The following IL4R variants were observed in gnomAD, a reference collection of about 807,000 sequenced individuals.
The protein encoded by IL4R is interleukin 4 receptor, also known as interleukin-4 receptor subunit alpha.
In IL4R, 17 loss-of-function variants were observed where a neutral mutation model predicts 41.5. The ratio of observed to expected loss-of-function variants is 0.41; its 90% CI spans 0.28 to 0.61. The LOEUF is 0.61. Ranked by LOEUF, IL4R falls within the 20% of genes least tolerant of loss-of-function variation. The pLI, the probability that IL4R is intolerant of heterozygous loss-of-function variation, is 0.31. For missense variants in IL4R, 974 were observed against 1,043.1 expected (o/e 0.93, Z 0.91); for synonymous variants, 402 against 422.9 (o/e 0.95, Z 0.61).
intron 1 of IL4R, among the ~76,000 whole-genome samples, chr16:27,322,600 C>T (rs2084845951): frequency 6.6e-6 from 1 of 152,132 alleles, no homozygotes; most frequent in Non-Finnish European, 1.5e-5. Context: ...GTTCCAGCTA[C>T]TTGGGAGGGC....
intron 1 of IL4R, among the ~76,000 whole-genome samples, chr16:27,320,900 C>T (rs1268875722): frequency 1.3e-5 from 2 of 152,034 alleles, no homozygotes; most frequent in Admixed American, 1.3e-4. Flanking sequence ...GCAGCTCTAA[C>T]TGGGAGAAAA....
intron 1 of IL4R, chr16:27,315,446 AC>A (rs1451113268): frequency 6.6e-6 from 1 of 152,474 alleles, no homozygotes; most frequent in Non-Finnish European, 1.5e-5. Context: ...AGGAAGACAG[AC>A]GTGAGGGCTG....
At chr16:27,337,132 A>C (rs1182934927) in intron 2 of IL4R, among the ~76,000 whole-genome samples, 2 of 151,896 alleles carry the variant, frequency 1.3e-5, no homozygotes, top group East Asian at 1.9e-4. Context: ...AAAAAGAAGA[A>C]GTGTAGGTGG....
chr16:27,317,194 G>A (rs1432853751), intron 1 of IL4R, among the ~76,000 whole-genome samples: 1 of 152,198 alleles, frequency 6.6e-6, no homozygotes, highest in East Asian at 1.9e-4. Context: ...GCGAGCAAAC[G>A]TGCCTGGCCT....
At chr16:27,352,735 C>G in intron 7 of IL4R, 39 bp downstream of exon 7, 1 of 1,594,482 alleles carries the variant, frequency 6.3e-7, no homozygotes, top group East Asian at 2.2e-5. Flanking sequence ...AATCTCCACT[C>G]TCCATTCTTC....
At chr16:27,330,788 A>G (rs1047309483) in intron 2 of IL4R, among the ~76,000 whole-genome samples, 2 of 152,094 alleles carry the variant, frequency 1.3e-5, no homozygotes. Flanking sequence ...TGTTACATAA[A>G]TGGAGTCACG....
Position 27,362,876 on chromosome 16 carries a change from G to A in IL4R, c.1524G>A (p.Pro508=), listed in dbSNP as rs752797123. The A allele has an allele frequency of 3.1e-5, 50 of 1,614,014 alleles. No homozygotes were observed. The highest frequency in any genetic ancestry group is 3.3e-5 in the South Asian group (3 of 91,084). The part of the protein sequence containing the change: ...RSFSNSLSQS[P]CPRELGPDPL... Reference sequence around the variant, plus strand: ...TCAGCAACTCCCTGAGCCAGTCACCGTGTCCCAGAGAGCTGGGTCCAGACC... The same window carrying A: ...TCAGCAACTCCCTGAGCCAGTCACCATGTCCCAGAGAGCTGGGTCCAGACC... The change falls in exon 11 of 11, where the codon CCG becomes CCA. Residue 508 remains proline (P), a synonymous_variant. Coordinates refer to ENST00000395762, the MANE Select transcript of IL4R (RefSeq NM_000418.4).
At chr16:27,328,786 G>A (rs1229187909) in intron 1 of IL4R, among the ~76,000 whole-genome samples, 1 of 152,122 alleles carries the variant, frequency 6.6e-6, no homozygotes, top group East Asian at 1.9e-4. Context: ...GTATATTGAG[G>A]TGGCTATTTC....
At chr16:27,339,784 C>T (rs1453852866) in intron 2 of IL4R, among the ~76,000 whole-genome samples, 1 of 151,686 alleles carries the variant, frequency 6.6e-6, no homozygotes, top group East Asian at 1.9e-4. Flanking sequence ...GCTGGGCAGC[C>T]GCAGTGGCTC....
intron 2 of IL4R, among the ~76,000 whole-genome samples, chr16:27,335,430 C>T (rs1416377214): frequency 2.0e-5 from 3 of 151,938 alleles, no homozygotes; most frequent in Admixed American, 6.6e-5. Context: ...TGCGGTGGTG[C>T]GATCATAGCT....
chr16:27,352,978 C>T (rs746015618), intron 7 of IL4R, among the ~76,000 whole-genome samples: 1 of 152,216 alleles, frequency 6.6e-6, no homozygotes, highest in African/African-American at 2.4e-5. Flanking sequence ...TGGTTTCCCT[C>T]CCTGTAGAAA....
At chr16:27,351,097 G>T (rs1324829109) in intron 6 of IL4R, among the ~76,000 whole-genome samples, 1 of 152,196 alleles carries the variant, frequency 6.6e-6, no homozygotes, top group Non-Finnish European at 1.5e-5. Context: ...ATCAAGGTGT[G>T]GGATGGGGCT....
intron 10 of IL4R, 66 bp downstream of exon 10, chr16:27,360,881 C>T: frequency 6.2e-7 from 1 of 1,613,338 alleles, no homozygotes; most frequent in Admixed American, 1.7e-5. Flanking sequence ...GAGAGGCAAG[C>T]CCCTAGCTCC....
chr16:27,346,827 G>C (rs1445819478), intron 6 of IL4R, among the ~76,000 whole-genome samples: 1 of 152,218 alleles, frequency 6.6e-6, no homozygotes, highest in Non-Finnish European at 1.5e-5. Flanking sequence ...CATCAGAGAA[G>C]GGGAGTTATC....
intron 3 of IL4R, chr16:27,340,991 A>T (rs1212083672): frequency 2.0e-6 from 1 of 499,124 alleles, no homozygotes; most frequent in East Asian, 4.3e-5. Context: ...GAAGGTCAGC[A>T]AGGTGACAGA....
chr16:27,347,179 G>A (rs1026103548), intron 6 of IL4R, among the ~76,000 whole-genome samples: 18 of 152,206 alleles, frequency 1.2e-4, no homozygotes, highest in African/African-American at 3.9e-4. Flanking sequence ...TCACAGTAGT[G>A]TTGGTGGAGT....
chr16:27,343,587 C>T (rs2085514552), intron 4 of IL4R, among the ~76,000 whole-genome samples: 2 of 152,086 alleles, frequency 1.3e-5, no homozygotes, highest in Non-Finnish European at 2.9e-5. Context: ...CCACCACACC[C>T]GGCTAATTTT....
At chr16:27,316,220 C>T (rs2084645383) in intron 1 of IL4R, among the ~76,000 whole-genome samples, 1 of 152,014 alleles carries the variant, frequency 6.6e-6, no homozygotes. Context: ...AATTTAAAAA[C>T]TTAGCCAGGC....
chr16:27,323,196 G>T (rs1363445777), intron 1 of IL4R, among the ~76,000 whole-genome samples: 1 of 152,226 alleles, frequency 6.6e-6, no homozygotes, highest in Non-Finnish European at 1.5e-5. Context: ...TGCCCAGGGG[G>T]CAAAGTCCTG....
Sources: allele counts gnomAD v4.1 joint callset (sites outside exome capture counted in the v4.1 genomes callset), GRCh38; gene constraint gnomAD v4.1.1; transcripts MANE v1.5; gene names NCBI Gene and HGNC (gene_info 2026-07-23, HGNC 2026-07-21).